IGFBP7: variants seen among roughly 807,000 people sequenced by gnomAD.
IGFBP7 encodes the protein insulin-like growth factor-binding protein 7.
In IGFBP7, 31 loss-of-function variants were observed where a neutral mutation model predicts 29.4. The ratio of observed to expected loss-of-function variants is 1.05; its 90% CI spans 0.79 to 1.42. The LOEUF (loss-of-function observed/expected upper bound fraction) is 1.42, where lower values mean the gene tolerates loss of function less well. Among genes scored for constraint, IGFBP7 ranks in the 40% most tolerant of loss-of-function variants. The pLI is 0.00. For missense variants in IGFBP7, 393 were observed against 395.5 expected (o/e 0.99, Z 0.05); for synonymous variants, 172 against 174.9 (o/e 0.98, Z 0.13).
chr4:57,083,527 C>CTT (rs1725423220), intron 1 of IGFBP7, among the ~76,000 whole-genome samples: 1 of 152,174 alleles, frequency 6.6e-6, no homozygotes, highest in South Asian at 2.1e-4. Flanking sequence ...TTGTTTACTA[C>CTT]AGATATTTAG....
chr4:57,035,281 CCTT>C (rs1724055878), intron 2 of IGFBP7, among the ~76,000 whole-genome samples: 1 of 152,026 alleles, frequency 6.6e-6, no homozygotes, highest in Admixed American at 6.6e-5. Context: ...TTTATTTTTC[CCTT>C]CTTTTCACAA....
At chr4:57,049,145 A>G (rs144018886) in intron 1 of IGFBP7, among the ~76,000 whole-genome samples, 29 of 152,170 alleles carry the variant, frequency 1.9e-4, no homozygotes, top group African/African-American at 6.8e-4. Context: ...AGGGATTAAA[A>G]AAATAGAGCT....
intron 2 of IGFBP7, among the ~76,000 whole-genome samples, chr4:57,035,825 G>C (rs35725527): frequency 0.091 from 13,859 of 152,282 alleles, 700 homozygotes; most frequent in Non-Finnish European, 0.1. Flanking sequence ...AATATTCAGT[G>C]CTAGTAAAGA....
intron 1 of IGFBP7, among the ~76,000 whole-genome samples, chr4:57,075,445 C>A (rs1041946154): frequency 1.7e-5 from 1 of 59,140 alleles, no homozygotes; most frequent in Non-Finnish European, 3.8e-5. Context: ...TAAATCCTGG[C>A]CCCTGCAGGA....
chr4:57,045,555 G>T (rs1166533978), intron 1 of IGFBP7, among the ~76,000 whole-genome samples: 1 of 152,066 alleles, frequency 6.6e-6, no homozygotes, highest in African/African-American at 2.4e-5. Context: ...CATGGAGGCG[G>T]GTTGGCCTCC....
chr4:57,100,139 T>C (rs184676029), intron 1 of IGFBP7, among the ~76,000 whole-genome samples: 7 of 145,030 alleles, frequency 4.8e-5, no homozygotes, highest in African/African-American at 1.8e-4. Context: ...GGCTCCATCA[T>C]AGCCTCCTGC....
intron 1 of IGFBP7, among the ~76,000 whole-genome samples, chr4:57,107,603 G>T (rs1726064432): frequency 6.6e-6 from 1 of 152,186 alleles, no homozygotes; most frequent in African/African-American, 2.4e-5. Context: ...ATTCTCTTCT[G>T]CTCTCTTTGG....
rs563043255 is a variant in IGFBP7 at position 57,109,748 on chromosome 4, G to C, written c.475+129C>G. 2.8e-4 allele frequency: 321 copies of C among 1,159,870 alleles called. 3 individuals carry two copies. The South Asian group carries it at 5.3e-3, about 19-fold the overall frequency. The allele number at this position is 1,159,870 out of a possible 1,614,324, so 71.8% of individuals were successfully genotyped here. ...GCTGCCAACTCTTTCCCTCCCATCT[G>C]GCTCCTGGGATGCCCGCGGGGGAAT... is the stretch of plus-strand genomic sequence containing the variant. On this transcript the variant is annotated intron_variant, in intron 1 of 4. Coordinates refer to ENST00000295666, the MANE Select transcript of IGFBP7 (RefSeq NM_001553.3).
chr4:57,073,042 G>T, intron 1 of IGFBP7: 1 of 1,290,958 alleles, frequency 7.7e-7, no homozygotes. Flanking sequence ...CGTTGAACAG[G>T]CATGCTGCCA....
chr4:57,067,658 G>A (rs1724951491), intron 1 of IGFBP7, among the ~76,000 whole-genome samples: 1 of 152,018 alleles, frequency 6.6e-6, no homozygotes, highest in Non-Finnish European at 1.5e-5. Context: ...TTTGTGAAGA[G>A]GGCAGATTTC....
At chr4:57,046,288 T>G (rs1476245838) in intron 1 of IGFBP7, among the ~76,000 whole-genome samples, 2 of 152,104 alleles carry the variant, frequency 1.3e-5, no homozygotes, top group African/African-American at 4.8e-5. Flanking sequence ...AACAATCATC[T>G]TGAATTGCAG....
intron 1 of IGFBP7, among the ~76,000 whole-genome samples, chr4:57,086,407 C>A (rs899094806): frequency 6.6e-6 from 1 of 152,160 alleles, no homozygotes; most frequent in Non-Finnish European, 1.5e-5. Flanking sequence ...CCCCTTCCAC[C>A]CTTTGGGTCC....
intron 1 of IGFBP7, among the ~76,000 whole-genome samples, chr4:57,045,538 T>TA (rs1364064422): frequency 3.3e-5 from 5 of 152,160 alleles, no homozygotes; most frequent in African/African-American, 1.2e-4. Flanking sequence ...ACAGACCTCT[T>TA]AGAGTACATG....
intron 1 of IGFBP7, among the ~76,000 whole-genome samples, chr4:57,081,417 A>G (rs916488564): frequency 1.3e-5 from 2 of 151,834 alleles, no homozygotes; most frequent in Admixed American, 6.6e-5. Context: ...TAGACCACAT[A>G]TTTTCCCCTC....
chr4:57,072,704 G>T (rs1725083666), intron 1 of IGFBP7: 1 of 421,718 alleles, frequency 2.4e-6, no homozygotes, highest in East Asian at 6.2e-5. Context: ...GCTACAGCAG[G>T]AGTTGGTGAC....
intron 1 of IGFBP7, among the ~76,000 whole-genome samples, chr4:57,059,201 G>C (rs1724739633): frequency 6.6e-6 from 1 of 152,126 alleles, no homozygotes; most frequent in Non-Finnish European, 1.5e-5. Context: ...TCCTCAAAGA[G>C]CTAAAAACAG....
chr4:57,069,931 A>G (rs1725016111), intron 1 of IGFBP7, among the ~76,000 whole-genome samples: 1 of 152,012 alleles, frequency 6.6e-6, no homozygotes, highest in Admixed American at 6.5e-5. Flanking sequence ...AAAAATATAA[A>G]ACAGCTGGGC....
intron 2 of IGFBP7, among the ~76,000 whole-genome samples, chr4:57,037,602 T>C (rs1724114964): frequency 6.6e-6 from 1 of 152,078 alleles, no homozygotes; most frequent in Non-Finnish European, 1.5e-5. Context: ...CCTTGTCTAT[T>C]GGGATCTGCC....
chr4:57,062,540 T>A (rs1724823511), intron 1 of IGFBP7, among the ~76,000 whole-genome samples: 1 of 152,180 alleles, frequency 6.6e-6, no homozygotes, highest in Non-Finnish European at 1.5e-5. Flanking sequence ...TTTACTGAAT[T>A]CTGGGTGGAT....
Sources: allele counts gnomAD v4.1 joint callset (sites outside exome capture counted in the v4.1 genomes callset), GRCh38; gene constraint gnomAD v4.1.1; transcripts MANE v1.5; gene names NCBI Gene and HGNC (gene_info 2026-07-23, HGNC 2026-07-21).